Variants in IMMP2L observed in about 807,000 individuals in gnomAD.
The protein encoded by IMMP2L is inner mitochondrial membrane peptidase subunit 2, also known as mitochondrial inner membrane protease subunit 2.
A neutral mutation model predicts 19.3 loss-of-function variants in IMMP2L; 18 were observed. That is an observed-to-expected ratio of 0.93 (90% CI 0.64 to 1.38). The LOEUF is 1.38. Among genes scored for constraint, IMMP2L ranks in the 40% most tolerant of loss-of-function variants. The pLI is 0.00. For synonymous variants in IMMP2L, 76 were observed against 73.0 expected (o/e 1.04, Z -0.21); for missense variants, 233 against 218.2 (o/e 1.07, Z -0.43).
chr7:110,721,988 T>A (rs1298239027), intron 5 of IMMP2L, among the ~76,000 whole-genome samples: 1 of 152,094 alleles, frequency 6.6e-6, no homozygotes, highest in Non-Finnish European at 1.5e-5. Flanking sequence ...AAAGCACAGC[T>A]GTGGGAAGGA....
intron 3 of IMMP2L, among the ~76,000 whole-genome samples, chr7:111,149,015 C>T (rs370113943): frequency 1.3e-5 from 2 of 152,012 alleles, no homozygotes; most frequent in East Asian, 3.9e-4. Context: ...GACAGGCTGG[C>T]TCCAGAGTCT....
intron 5 of IMMP2L, among the ~76,000 whole-genome samples, chr7:110,852,423 G>A (rs2131536667): frequency 6.6e-6 from 1 of 152,108 alleles, no homozygotes; most frequent in Non-Finnish European, 1.5e-5. Flanking sequence ...TCCTTGCAGG[G>A]CAACATGATG....
At chr7:111,370,028 T>C (rs186964879) in intron 3 of IMMP2L, among the ~76,000 whole-genome samples, 238 of 152,090 alleles carry the variant, frequency 1.6e-3, no homozygotes, top group African/African-American at 5.3e-3. Context: ...GGAAAACCTA[T>C]AAAGAAAAGG....
At chr7:111,494,157 T>C (rs985993275) in intron 2 of IMMP2L, among the ~76,000 whole-genome samples, 8 of 152,194 alleles carry the variant, frequency 5.3e-5, no homozygotes, top group African/African-American at 1.9e-4. Flanking sequence ...AGAGACTACA[T>C]CAAAATATAA....
chr7:111,491,373 C>G (rs1369963793), intron 2 of IMMP2L, among the ~76,000 whole-genome samples: 1 of 152,044 alleles, frequency 6.6e-6, no homozygotes, highest in Non-Finnish European at 1.5e-5. Context: ...CTCACCCCCT[C>G]GTTGTTCAAG....
intron 5 of IMMP2L, among the ~76,000 whole-genome samples, chr7:110,704,278 T>G (rs1444007935): frequency 6.6e-6 from 1 of 152,174 alleles, no homozygotes; most frequent in Non-Finnish European, 1.5e-5. Context: ...ACCTCCAGAT[T>G]GCTGAATAAG....
intron 3 of IMMP2L, among the ~76,000 whole-genome samples, chr7:111,148,610 G>A (rs1803737640): frequency 6.6e-6 from 1 of 151,862 alleles, no homozygotes; most frequent in African/African-American, 2.4e-5. Flanking sequence ...ACATATTAAG[G>A]TGAGATTATT....
intron 3 of IMMP2L, among the ~76,000 whole-genome samples, chr7:111,250,748 G>C (rs919361022): frequency 6.6e-6 from 1 of 151,898 alleles, no homozygotes; most frequent in South Asian, 2.1e-4. Flanking sequence ...TATACAAAAG[G>C]TAACTCAAGA....
At chr7:110,945,724 C>T (rs1050119385) in intron 4 of IMMP2L, among the ~76,000 whole-genome samples, 5 of 150,676 alleles carry the variant, frequency 3.3e-5, no homozygotes, top group Non-Finnish European at 5.9e-5. Context: ...CTTGTAATCA[C>T]GGAGAGGTCA....
intron 3 of IMMP2L, among the ~76,000 whole-genome samples, chr7:110,992,956 T>C (rs896703127): frequency 1.3e-5 from 2 of 152,118 alleles, no homozygotes; most frequent in African/African-American, 4.8e-5. Context: ...TGAGAATTCA[T>C]TGCATCAAAA....
At chr7:110,770,952 C>A (rs1159970825) in intron 5 of IMMP2L, among the ~76,000 whole-genome samples, 1 of 152,106 alleles carries the variant, frequency 6.6e-6, no homozygotes, top group African/African-American at 2.4e-5. Flanking sequence ...TTACATAGCA[C>A]TTGCTCTGTG....
intron 3 of IMMP2L, among the ~76,000 whole-genome samples, chr7:111,067,529 C>T (rs180782012): frequency 5.3e-5 from 8 of 152,318 alleles, no homozygotes; most frequent in Admixed American, 3.9e-4. Context: ...CAAGTCACTG[C>T]TCCTTCCCTT....
At chr7:110,990,166 T>C (rs528399759) in intron 3 of IMMP2L, among the ~76,000 whole-genome samples, 3 of 152,280 alleles carry the variant, frequency 2.0e-5, no homozygotes, top group East Asian at 3.9e-4. Context: ...ATTATATACA[T>C]ACTGTGACAA....
intron 3 of IMMP2L, among the ~76,000 whole-genome samples, chr7:111,151,893 G>A (rs750964479): frequency 1.2e-4 from 18 of 152,118 alleles, no homozygotes; most frequent in African/African-American, 3.6e-4. Flanking sequence ...CCAAGATCGC[G>A]CCATTGCACT....
At chr7:111,269,826 T>C (rs1406736002) in intron 3 of IMMP2L, among the ~76,000 whole-genome samples, 1 of 152,042 alleles carries the variant, frequency 6.6e-6, no homozygotes, top group Non-Finnish European at 1.5e-5. Context: ...ATCATCAAAA[T>C]CCACTCAGAA....
intron 3 of IMMP2L, among the ~76,000 whole-genome samples, chr7:111,115,113 C>G (rs1216695488): frequency 1.3e-5 from 2 of 151,914 alleles, no homozygotes; most frequent in Non-Finnish European, 2.9e-5. Flanking sequence ...ACATTTGGGA[C>G]CATATAAATG....
At chr7:110,797,473 T>C (rs1461023683) in intron 5 of IMMP2L, among the ~76,000 whole-genome samples, 1 of 152,062 alleles carries the variant, frequency 6.6e-6, no homozygotes, top group African/African-American at 2.4e-5. Context: ...CTCCCTGATG[T>C]AATTAACCAA....
intron 3 of IMMP2L, among the ~76,000 whole-genome samples, chr7:111,009,712 T>C (rs1439691091): frequency 6.6e-6 from 1 of 152,128 alleles, no homozygotes; most frequent in Non-Finnish European, 1.5e-5. Context: ...AGTTAATCTT[T>C]GGCAACACCA....
intron 3 of IMMP2L, among the ~76,000 whole-genome samples, chr7:111,219,233 G>T (rs535983104): frequency 7.9e-5 from 12 of 152,028 alleles, no homozygotes; most frequent in African/African-American, 2.9e-4. Flanking sequence ...GCCTCTTTTT[G>T]AAATCTAGAA....
Sources: gnomAD v4.1 joint callset for allele counts (sites outside exome capture counted in the v4.1 genomes callset) on GRCh38, gnomAD v4.1.1 for gene constraint, MANE v1.5 for transcripts, NCBI Gene and HGNC (gene_info 2026-07-23, HGNC 2026-07-21) for gene names.